Variants in PTPRK observed in about 807,000 individuals in gnomAD.
PTPRK encodes the protein receptor-type tyrosine-protein phosphatase kappa.
Under a neutral mutation model 178.0 loss-of-function variants are expected in PTPRK, and 75 were observed. The observed-to-expected ratio is 0.42, with a 90% CI of 0.35 to 0.51. The LOEUF is 0.51. PTPRK is among the 20% of genes least tolerant of loss of function. The probability of loss-of-function intolerance (pLI) is 0.02; values close to 1 mark genes in which losing one functional copy is unlikely to be tolerated. For missense variants in PTPRK, 1,441 were observed against 1,797.8 expected (o/e 0.80, Z 3.59); for synonymous variants, 637 against 620.6 (o/e 1.03, Z -0.39).
intron 1 of PTPRK, among the ~76,000 whole-genome samples, chr6:128,412,570 C>T (rs1562469335): frequency 6.6e-6 from 1 of 152,144 alleles, no homozygotes; most frequent in Non-Finnish European, 1.5e-5. Context: ...ATCACCAAGT[C>T]GAAAATGCAA....
intron 5 of PTPRK, among the ~76,000 whole-genome samples, chr6:128,223,436 G>A (rs1810759059): frequency 6.6e-6 from 1 of 151,880 alleles, no homozygotes; most frequent in South Asian, 2.1e-4. Context: ...GAGAGGCTGA[G>A]GGGTATACTT....
intron 1 of PTPRK, among the ~76,000 whole-genome samples, chr6:128,442,754 A>C (rs1207496650): frequency 6.6e-6 from 1 of 152,238 alleles, no homozygotes; most frequent in Non-Finnish European, 1.5e-5. Flanking sequence ...TATCCTGAGC[A>C]GAACAACTGA....
intron 13 of PTPRK, among the ~76,000 whole-genome samples, chr6:128,054,670 T>C (rs2114888520): frequency 6.6e-6 from 1 of 152,340 alleles, no homozygotes; most frequent in Middle Eastern, 3.4e-3. Context: ...TTGTCTTTTT[T>C]CCTTTGAACA....
chr6:128,156,185 A>G (rs1205530603), intron 7 of PTPRK, among the ~76,000 whole-genome samples: 1 of 151,932 alleles, frequency 6.6e-6, no homozygotes. Flanking sequence ...ATAAGCTAAT[A>G]TTTTATAAAT....
At chr6:128,341,502 A>G (rs907329088) in intron 2 of PTPRK, among the ~76,000 whole-genome samples, 2 of 152,228 alleles carry the variant, frequency 1.3e-5, no homozygotes, top group Non-Finnish European at 2.9e-5. Context: ...ACACAGGCCT[A>G]AATTAATTTT....
chr6:128,222,462 A>G (rs1166461091), intron 5 of PTPRK, among the ~76,000 whole-genome samples: 3 of 152,038 alleles, frequency 2.0e-5, no homozygotes, highest in Non-Finnish European at 4.4e-5. Flanking sequence ...CACAGACCAA[A>G]TTATCCTCCC....
At chr6:128,107,262 AG>A (rs1050162012) in intron 7 of PTPRK, among the ~76,000 whole-genome samples, 4 of 152,206 alleles carry the variant, frequency 2.6e-5, no homozygotes, top group African/African-American at 9.6e-5. Flanking sequence ...GAAGGCCTTA[AG>A]AAAATCATGA....
intron 2 of PTPRK, among the ~76,000 whole-genome samples, chr6:128,339,376 C>T (rs1170200815): frequency 6.6e-6 from 1 of 152,148 alleles, no homozygotes; most frequent in African/African-American, 2.4e-5. Flanking sequence ...ATTCAGGTAT[C>T]TGAAGCATAT....
chr6:128,441,023 T>C (rs1846216959), intron 1 of PTPRK, among the ~76,000 whole-genome samples: 1 of 152,168 alleles, frequency 6.6e-6, no homozygotes, highest in Non-Finnish European at 1.5e-5. Flanking sequence ...AACAACAGCA[T>C]ATAAGAATTG....
At chr6:128,194,064 A>T (rs577319107) in intron 6 of PTPRK, among the ~76,000 whole-genome samples, 29 of 137,550 alleles carry the variant, frequency 2.1e-4, no homozygotes, top group African/African-American at 6.8e-4. Flanking sequence ...ATTTATATAT[A>T]TATTATTATT....
intron 5 of PTPRK, among the ~76,000 whole-genome samples, chr6:128,237,479 C>G (rs1040744572): frequency 6.6e-6 from 1 of 152,142 alleles, no homozygotes; most frequent in African/African-American, 2.4e-5. Flanking sequence ...AATTACAAGA[C>G]TTTTTCATCT....
At chr6:128,203,454 A>G (rs1806332796) in intron 6 of PTPRK, among the ~76,000 whole-genome samples, 1 of 152,228 alleles carries the variant, frequency 6.6e-6, no homozygotes, top group African/African-American at 2.4e-5. Context: ...AAAGAAATAA[A>G]GAGTATTTGA....
chr6:128,237,455 C>A (rs1813498279), intron 5 of PTPRK, among the ~76,000 whole-genome samples: 1 of 152,124 alleles, frequency 6.6e-6, no homozygotes, highest in Non-Finnish European at 1.5e-5. Context: ...TACCATTTTT[C>A]CCCATGCAAA....
rs138179510 is a variant in PTPRK at position 128,365,909 on chromosome 6, T to C, written c.223+31657A>G. On this transcript the variant is annotated intron_variant, in intron 2 of 29. Transcript: ENST00000368226. ...CCCAGAAGTGCTATGGATCTAATAC[T>C]TGTGACACAGTCTCAAGCAACACAG... 2.3e-3 allele frequency among the ~76,000 whole-genome samples: 351 copies of C among 152,262 alleles called. 2 individuals carry two copies. The East Asian group carries it at 0.034, about 15-fold the overall frequency.
At chr6:128,402,711 C>G (rs1227250436) in intron 1 of PTPRK, among the ~76,000 whole-genome samples, 1 of 152,102 alleles carries the variant, frequency 6.6e-6, no homozygotes, top group Non-Finnish European at 1.5e-5. Flanking sequence ...TATACCTGCT[C>G]TAATGATAAG....
At chr6:128,503,247 A>C (rs376478617) in intron 1 of PTPRK, among the ~76,000 whole-genome samples, 18 of 152,266 alleles carry the variant, frequency 1.2e-4, no homozygotes, top group African/African-American at 4.3e-4. Flanking sequence ...ATAAAACCTG[A>C]ACTTTTTGGC....
intron 2 of PTPRK, among the ~76,000 whole-genome samples, chr6:128,364,330 A>C (rs926982375): frequency 6.6e-6 from 1 of 152,024 alleles, no homozygotes; most frequent in Non-Finnish European, 1.5e-5. Context: ...ACGGCATTCA[A>C]ACAATTTTTT....
intron 1 of PTPRK, among the ~76,000 whole-genome samples, chr6:128,516,688 G>C (rs948369512): frequency 6.6e-6 from 1 of 152,108 alleles, no homozygotes; most frequent in Non-Finnish European, 1.5e-5. Flanking sequence ...AGGAACTATA[G>C]ACAAAGCAGG....
chr6:128,354,229 A>ATGTTTTT (rs1833603224), intron 2 of PTPRK, among the ~76,000 whole-genome samples: 3 of 27,748 alleles, frequency 1.1e-4, no homozygotes, highest in Non-Finnish European at 1.5e-4. Flanking sequence ...TTTTTTGTTT[A>ATGTTTTT]TGTTTTTTTT....
Sources: allele counts gnomAD v4.1 joint callset (sites outside exome capture counted in the v4.1 genomes callset), GRCh38; gene constraint gnomAD v4.1.1; transcripts MANE v1.5; gene names NCBI Gene and HGNC (gene_info 2026-07-23, HGNC 2026-07-21).